HS6ST3: variants seen among roughly 807,000 people sequenced by gnomAD.
HS6ST3 encodes heparan sulfate 6-O-sulfotransferase 3.
A neutral mutation model predicts 36.7 loss-of-function variants in HS6ST3; 12 were observed. The ratio of observed to expected loss-of-function variants is 0.33; its 90% CI spans 0.21 to 0.53. The LOEUF is 0.53. Ranked by LOEUF, HS6ST3 falls within the 20% of genes least tolerant of loss-of-function variation. The pLI is 0.95. For missense variants in HS6ST3, 584 were observed against 640.9 expected (o/e 0.91, Z 0.96); for synonymous variants, 240 against 257.5 (o/e 0.93, Z 0.65).
chr13:96,317,541 T>C (rs2054982060), intron 1 of HS6ST3, among the ~76,000 whole-genome samples: 2 of 151,388 alleles, frequency 1.3e-5, no homozygotes, highest in African/African-American at 4.8e-5. Context: ...TGTGCCTTTT[T>C]GGTGTAATGA....
At chr13:96,642,771 T>C (rs550197596) in intron 1 of HS6ST3, among the ~76,000 whole-genome samples, 10 of 152,078 alleles carry the variant, frequency 6.6e-5, no homozygotes, top group African/African-American at 2.4e-4. Flanking sequence ...TTTATTGATA[T>C]TCTCTATTTG....
At chr13:96,701,204 C>A (rs1197729089) in intron 1 of HS6ST3, among the ~76,000 whole-genome samples, 1 of 152,200 alleles carries the variant, frequency 6.6e-6, no homozygotes, top group Non-Finnish European at 1.5e-5. Context: ...CACAACATTT[C>A]TATCATGACG....
At chr13:96,712,429 T>C (rs1322863033) in intron 1 of HS6ST3, among the ~76,000 whole-genome samples, 1 of 152,152 alleles carries the variant, frequency 6.6e-6, no homozygotes, top group Non-Finnish European at 1.5e-5. Flanking sequence ...TAGAATTTGT[T>C]AGATTGGAAT....
At chr13:96,705,882 A>G (rs956281649) in intron 1 of HS6ST3, among the ~76,000 whole-genome samples, 16 of 152,304 alleles carry the variant, frequency 1.1e-4, no homozygotes, top group Non-Finnish European at 2.1e-4. Flanking sequence ...TGTGGGTTCC[A>G]TCACTAAACT....
chr13:96,205,590 A>C (rs1385629873), intron 1 of HS6ST3, among the ~76,000 whole-genome samples: 4 of 152,164 alleles, frequency 2.6e-5, no homozygotes, highest in Non-Finnish European at 5.9e-5. Context: ...GAAATACTAC[A>C]AATTGAATTC....
chr13:96,622,939 A>G (rs1419935944), intron 1 of HS6ST3, among the ~76,000 whole-genome samples: 1 of 152,148 alleles, frequency 6.6e-6, no homozygotes, highest in African/African-American at 2.4e-5. Flanking sequence ...CTGGCTTTAT[A>G]ATATCACTCA....
chr13:96,412,316 C>A (rs1450851355), intron 1 of HS6ST3, among the ~76,000 whole-genome samples: 3 of 152,082 alleles, frequency 2.0e-5, no homozygotes, highest in Non-Finnish European at 4.4e-5. Flanking sequence ...CCTGATATTT[C>A]TAAGAGGAGA....
At chr13:96,416,979 A>C (rs979577985) in intron 1 of HS6ST3, among the ~76,000 whole-genome samples, 1 of 151,972 alleles carries the variant, frequency 6.6e-6, no homozygotes, top group Non-Finnish European at 1.5e-5. Flanking sequence ...CTCGATCTCT[A>C]GACCTTGTGA....
At chr13:96,157,755 AT>A (rs2054116943) in intron 1 of HS6ST3, among the ~76,000 whole-genome samples, 4 of 152,234 alleles carry the variant, frequency 2.6e-5, no homozygotes, top group African/African-American at 9.6e-5. Flanking sequence ...TACATAATGA[AT>A]GATTAGTGTG....
At chr13:96,334,731 C>G (rs555166443) in intron 1 of HS6ST3, among the ~76,000 whole-genome samples, 80 of 152,134 alleles carry the variant, frequency 5.3e-4, no homozygotes, top group Non-Finnish European at 9.0e-4. Context: ...ATGGGGGAAA[C>G]CGCCCCCATG....
chr13:96,691,422 A>G (rs535235601), intron 1 of HS6ST3, among the ~76,000 whole-genome samples: 9 of 152,252 alleles, frequency 5.9e-5, no homozygotes, highest in Non-Finnish European at 8.8e-5. Context: ...TATATAAATA[A>G]CAGAAAGATG....
chr13:96,201,742 G>T (rs189206682), intron 1 of HS6ST3, among the ~76,000 whole-genome samples: 63 of 152,124 alleles, frequency 4.1e-4, no homozygotes, highest in Non-Finnish European at 7.6e-4. Flanking sequence ...AATTGATGAG[G>T]ATGGGTATTT....
chr13:96,497,759 T>G (rs760728097), intron 1 of HS6ST3, among the ~76,000 whole-genome samples: 3 of 152,182 alleles, frequency 2.0e-5, no homozygotes, highest in Non-Finnish European at 4.4e-5. Context: ...CCTGCATACT[T>G]CTCCAGCCCT....
chr13:96,583,199 C>CTTTTTTT (rs1210357260), intron 1 of HS6ST3, among the ~76,000 whole-genome samples: 5 of 33,934 alleles, frequency 1.5e-4, no homozygotes, highest in African/African-American at 5.5e-4. Flanking sequence ...ATTTCTTTTT[C>CTTTTTTT]TTTTCTTTTT....
chr13:96,703,836 TG>T (rs1199853937), intron 1 of HS6ST3, among the ~76,000 whole-genome samples: 2 of 152,176 alleles, frequency 1.3e-5, no homozygotes, highest in Admixed American at 1.3e-4. Context: ...AATTGGATCA[TG>T]GGGGCAGTTT....
At chr13:96,486,957 T>G (rs2055918406) in intron 1 of HS6ST3, among the ~76,000 whole-genome samples, 1 of 152,134 alleles carries the variant, frequency 6.6e-6, no homozygotes, top group Non-Finnish European at 1.5e-5. Flanking sequence ...TGGCAAAAGT[T>G]GTATAAAGGG....
At chr13:96,592,367 A>G (rs1022946500) in intron 1 of HS6ST3, among the ~76,000 whole-genome samples, 1 of 152,058 alleles carries the variant, frequency 6.6e-6, no homozygotes, top group Non-Finnish European at 1.5e-5. Context: ...TTATTGTACT[A>G]TGTCTGTCTT....
At chr13:96,193,379 G>A (rs1180452879) in intron 1 of HS6ST3, among the ~76,000 whole-genome samples, 1 of 152,162 alleles carries the variant, frequency 6.6e-6, no homozygotes, top group African/African-American at 2.4e-5. Context: ...ACTTGGGGAT[G>A]TCATTAAGGT....
chr13:96,155,544 A>ATG (rs1280677904), intron 1 of HS6ST3, among the ~76,000 whole-genome samples: 1 of 151,932 alleles, frequency 6.6e-6, no homozygotes, highest in African/African-American at 2.4e-5. Context: ...ATAAAAATTC[A>ATG]TGTCTATGCT....
Sources: allele counts gnomAD v4.1 joint callset (sites outside exome capture counted in the v4.1 genomes callset), GRCh38; gene constraint gnomAD v4.1.1; transcripts MANE v1.5; gene names NCBI Gene and HGNC (gene_info 2026-07-23, HGNC 2026-07-21).